Variants in PSG3 observed in about 807,000 individuals in gnomAD.
PSG3 encodes the protein pregnancy-specific beta-1-glycoprotein 3.
In PSG3, 61 loss-of-function variants were observed where a neutral mutation model predicts 47.5. The observed-to-expected ratio is 1.28, with a 90% CI of 1.05 to 1.59. PSG3 has a LOEUF of 1.59. Among genes scored for constraint, PSG3 ranks in the 40% most tolerant of loss-of-function variants. The pLI is 0.00. For missense variants in PSG3, 756 were observed against 524.0 expected (o/e 1.44, Z -4.32); for synonymous variants, 263 against 198.4 (o/e 1.33, Z -2.74).
intron 2 of PSG3, among the ~76,000 whole-genome samples, chr19:42,738,488 C>A (rs1410578434): frequency 6.6e-6 from 1 of 152,158 alleles, no homozygotes. Flanking sequence ...CCTGCTGAGT[C>A]CCCCCATCAG....
In PSG3 at chr19:42,723,977, G is replaced by C. The variant is rs566095700; in HGVS notation, c.*5C>G. ...TCCTGAAATACAGAAATGACATCAC[G>C]GCTGCTATAATGGATTAAGGCCAGG... On this transcript the variant is annotated 3_prime_UTR_variant, in exon 6 of 7. Transcript: ENST00000327495. 12 of 1,608,224 alleles carry C rather than the reference G, an allele frequency of 7.5e-6. No individual in the cohort carries two copies. Among genetic ancestry groups the C allele is most frequent in the Middle Eastern group, 1.7e-4 (1 of 6,052 alleles).
At chr19:42,736,623 TG>T (rs1181660091) in intron 2 of PSG3, among the ~76,000 whole-genome samples, 8 of 134,636 alleles carry the variant, frequency 5.9e-5, no homozygotes, top group Admixed American at 5.9e-4. Context: ...TGTGTGTGTG[TG>T]TGTGTGTGTG....
In PSG3 at chr19:42,737,264, G is replaced by A. The variant is rs59854201; in HGVS notation, c.430+1460C>T. 3.3e-3 allele frequency among the ~76,000 whole-genome samples: 499 copies of A among 152,292 alleles called. 14 individuals are homozygous for A. In the East Asian group the frequency reaches 0.065, roughly 20 times the overall value. ...GTCAGCCTCTGAAGGACAAGGGACA[G>A]GTGTGGCTAGAACCTCCTAGGATTC... On this transcript the variant is annotated intron_variant, in intron 2 of 6. Transcript: ENST00000327495.
intron 1 of PSG3, 98 bp from the exon 2 acceptor site, chr19:42,739,187 T>TGAGGA: frequency 1.4e-6 from 2 of 1,435,682 alleles, no homozygotes; most frequent in Non-Finnish European, 1.9e-6. Context: ...AATCCTCAGC[T>TGAGGA]TTGAAGAGAC....
intron 5 of PSG3, among the ~76,000 whole-genome samples, chr19:42,727,169 A>C (rs1654906088): frequency 6.6e-6 from 1 of 152,128 alleles, no homozygotes; most frequent in South Asian, 2.1e-4. Flanking sequence ...AAACTATTCA[A>C]CTCTTAGAAG....
Position 42,729,903 on chromosome 19 carries a change from C to A in PSG3, c.863G>T (p.Arg288Leu), listed in dbSNP as rs774187620. 4 of 1,612,078 alleles carry A rather than the reference C, an allele frequency of 2.5e-6. No homozygotes were observed. Among genetic ancestry groups the A allele is most frequent in the Non-Finnish European group, 3.4e-6 (4 of 1,179,868 alleles). ...AATGAGGATCCTGTTTTCAATGGGT[C>A]GCTTTACCCTGGGACTGACCGGGAG... ...QSLPVSPRVKRPIENRILILP... is the reference protein window; with the variant it reads ...QSLPVSPRVKLPIENRILILP... Residue 288 changes from arginine (R) to leucine (L), a missense_variant, in exon 4 of 7, where the codon CGA (arginine) becomes CTA (leucine). Transcript: ENST00000327495.
intron 6 of PSG3, among the ~76,000 whole-genome samples, chr19:42,722,877 G>A (rs1356075975): frequency 3.9e-5 from 6 of 152,112 alleles, no homozygotes; most frequent in African/African-American, 7.2e-5. Context: ...GTAGTGTCAG[G>A]GAAGACTTAA....
chr19:42,731,635 G>A (rs913347252), intron 3 of PSG3, among the ~76,000 whole-genome samples: 1 of 151,672 alleles, frequency 6.6e-6, no homozygotes, highest in Non-Finnish European at 1.5e-5. Flanking sequence ...GTGAGATTTA[G>A]GACAGTGTTT....
Position 42,738,897 on chromosome 19 carries a change from C to A in PSG3, c.257G>T (p.Gly86Val). Residue 86 changes from glycine to valine, a missense_variant, in exon 2 of 7, where the codon GGT becomes GTT. By Grantham distance (109) the Gly-to-Val change is moderately radical. Transcript: ENST00000327495. ...YHYITSYVVD[G>V]QIIIYGPAYS... ...TGCAGGCCCATATATAATTATTTGA[C>A]CATCTACTACGTATGATGTAATGTA... is the stretch of plus-strand genomic sequence containing the variant. 6.2e-7 allele frequency: 1 copy of A among 1,614,022 alleles called. No individual in the cohort carries two copies. The highest frequency in any genetic ancestry group is 8.5e-7 in the Non-Finnish European group (1 of 1,179,992).
At chr19:42,727,270 T>C (rs971849488) in intron 5 of PSG3, among the ~76,000 whole-genome samples, 1 of 152,144 alleles carries the variant, frequency 6.6e-6, no homozygotes, top group African/African-American at 2.4e-5. Flanking sequence ...TCGGACTTCA[T>C]AAAAATCAAA....
intron 5 of PSG3, among the ~76,000 whole-genome samples, chr19:42,725,713 A>T (rs1341797331): frequency 6.6e-6 from 1 of 151,974 alleles, no homozygotes; most frequent in Non-Finnish European, 1.5e-5. Flanking sequence ...TAAAAAAGCC[A>T]ATTAGCTGCG....
At chr19:42,739,877 C>T (rs1284033737) in intron 1 of PSG3, among the ~76,000 whole-genome samples, 1 of 152,176 alleles carries the variant, frequency 6.6e-6, no homozygotes, top group East Asian at 1.9e-4. Context: ...CCTGTTTTGA[C>T]CCCTGTCCCT....
chr19:42,740,013 C>T (rs541780123), intron 1 of PSG3, among the ~76,000 whole-genome samples: 13 of 151,464 alleles, frequency 8.6e-5, no homozygotes, highest in East Asian at 1.9e-4. Context: ...CGTGCAGTGG[C>T]ACTATCTCGG....
Position 42,738,724 on chromosome 19 carries a change from G to C in PSG3, c.430C>G (p.Leu144Val), listed in dbSNP as rs764839677. 1.9e-6 allele frequency: 3 copies of C among 1,613,444 alleles called. No homozygotes were observed. In the African/African-American group the frequency reaches 4.0e-5, roughly 22 times the overall value. ...ETGHFTFTLY[L>V]ETPKPSISSS... is the part of the protein sequence containing the mutation. ...CCAGTGATCACGTGGAGTCACTCAC[G>C]GTATAAGGTGAAGGTGAAATGTCCA... The change falls in exon 2 of 7, where the codon CTG (leucine) becomes GTG (valine). Residue 144 changes from leucine (L) to valine (V), a missense_variant and splice_region_variant. Physicochemically the swap from Leu to Val is conservative, Grantham distance 32. Transcript: ENST00000327495.
At chr19:42,730,607 G>T (rs1361275237) in intron 3 of PSG3, among the ~76,000 whole-genome samples, 3 of 152,360 alleles carry the variant, frequency 2.0e-5, no homozygotes, top group African/African-American at 7.2e-5. Flanking sequence ...ATCAAGCCTG[G>T]AGGTCAGTTC....
Position 42,729,823 on chromosome 19 carries a change from G to A in PSG3, c.943C>T (p.Arg315Ter), listed in dbSNP as rs140517799. The change falls in exon 4 of 7, where the codon CGA becomes TGA. Residue 315 changes from arginine to a stop codon, truncating the protein, a stop_gained. Coordinates refer to ENST00000327495, the MANE Select transcript of PSG3 (RefSeq NM_021016.4). LOFTEE classifies it high-confidence loss of function. Reference sequence around the variant, plus strand: ...GGGTAACTGCGGATGCCACCATATCGGTCCTGTATTTCACATTGATAGGGT... The same window carrying A: ...GGGTAACTGCGGATGCCACCATATCAGTCCTGTATTTCACATTGATAGGGT... ...TGPYQCEIQD[R>*]YGGIRSYPVT... 2.4e-5 allele frequency: 38 copies of A among 1,613,526 alleles called. 1 individual carries two copies. The highest frequency in any genetic ancestry group is 8.3e-5 in the Admixed American group (5 of 59,980).
At chr19:42,733,576 G>T (rs1464844816) in intron 2 of PSG3, 1 of 164,280 alleles carries the variant, frequency 6.1e-6, no homozygotes, top group Admixed American at 5.5e-5. Context: ...TACTTCAGCA[G>T]AAATAACACA....
At chr19:42,734,855 G>T (rs539256661) in intron 2 of PSG3, among the ~76,000 whole-genome samples, 1 of 152,240 alleles carries the variant, frequency 6.6e-6, no homozygotes, top group South Asian at 2.1e-4. Flanking sequence ...GCAGAGTTAG[G>T]AAAAATGGGG....
At chr19:42,730,416 C>A (rs1969454231) in intron 3 of PSG3, among the ~76,000 whole-genome samples, 2 of 152,150 alleles carry the variant, frequency 1.3e-5, no homozygotes, top group South Asian at 4.1e-4. Flanking sequence ...AACTGGTGGG[C>A]CCCTTCCAAA....
Sources: gnomAD v4.1 joint callset for allele counts (sites outside exome capture counted in the v4.1 genomes callset) on GRCh38, gnomAD v4.1.1 for gene constraint, MANE v1.5 for transcripts, NCBI Gene and HGNC (gene_info 2026-07-23, HGNC 2026-07-21) for gene names.